Variants in CIMAP2 observed in about 807,000 individuals in gnomAD.
CIMAP2 encodes ciliary microtubule-associated protein 2.
the CIMAP2 span, chr1:54,806,343 G>A: frequency 9.7e-7 from 1 of 1,029,068 alleles, no homozygotes; most frequent in Non-Finnish European, 1.3e-6. Flanking sequence ...GCCTGGCGGG[G>A]AGGGGAACCA....
the CIMAP2 span, among the ~76,000 whole-genome samples, chr1:54,810,176 T>G: frequency 2.6e-5 from 4 of 152,200 alleles, no homozygotes; most frequent in African/African-American, 9.7e-5. Flanking sequence ...TCCCAGGTCC[T>G]GTGGTGCTCA....
the CIMAP2 span, among the ~76,000 whole-genome samples, chr1:54,840,141 TAGTC>T: frequency 0.074 from 11,312 of 152,268 alleles, 473 homozygotes; most frequent in African/African-American, 0.12. Flanking sequence ...GTGCTATCTG[TAGTC>T]AGTCTACTCC....
the CIMAP2 span, chr1:54,812,073 T>G: frequency 6.2e-7 from 1 of 1,614,136 alleles, no homozygotes; most frequent in Non-Finnish European, 8.5e-7. Flanking sequence ...CGGCACCTAC[T>G]TCTTCAAAAG....
chr1:54,816,019 G>C, the CIMAP2 span, among the ~76,000 whole-genome samples: 591 of 152,230 alleles, frequency 3.9e-3, 3 homozygotes, highest in African/African-American at 0.012. Flanking sequence ...TTTACCTCTA[G>C]CCTGCACCCC....
the CIMAP2 span, chr1:54,807,864 C>A: frequency 6.4e-7 from 1 of 1,550,618 alleles, no homozygotes; most frequent in South Asian, 1.2e-5. Flanking sequence ...TTAAGGCTTT[C>A]ATTTTCTCTC....
chr1:54,841,652 C>T, the CIMAP2 span: 1 of 1,613,144 alleles, frequency 6.2e-7, no homozygotes, highest in Non-Finnish European at 8.5e-7. Flanking sequence ...TAGAAGTCAT[C>T]AATTTTGGCC....
chr1:54,813,318 AG>A, the CIMAP2 span, among the ~76,000 whole-genome samples: 1 of 152,010 alleles, frequency 6.6e-6, no homozygotes, highest in Non-Finnish European at 1.5e-5. Context: ...TATCACCACA[AG>A]TCTGTGGCGT....
chr1:54,810,246 T>C, the CIMAP2 span, among the ~76,000 whole-genome samples: 4 of 151,950 alleles, frequency 2.6e-5, no homozygotes, highest in Non-Finnish European at 4.4e-5. Context: ...CTCAGAAAGG[T>C]TGTGGATTTT....
At chr1:54,811,765 G>GCCGGGGGGGGGGGC in the CIMAP2 span, 8 of 1,301,320 alleles carry the variant, frequency 6.1e-6, no homozygotes, top group East Asian at 2.5e-5. Context: ...GGTTCTGACA[G>GCCGGGGGGGGGGGC]CCTCCATGCC....
chr1:54,814,931 T>C, the CIMAP2 span: 2 of 1,614,142 alleles, frequency 1.2e-6, no homozygotes, highest in Non-Finnish European at 1.7e-6. Context: ...CTGGCCCCAG[T>C]TTCTGGCTTC....
At chr1:54,811,769 C>CGGGGG in the CIMAP2 span, 2 of 510,018 alleles carry the variant, frequency 3.9e-6, no homozygotes, top group Non-Finnish European at 7.8e-6. Context: ...CTGACAGCCT[C>CGGGGG]CATGCCCCCA....
At chr1:54,836,814 G>A in the CIMAP2 span, among the ~76,000 whole-genome samples, 61 of 152,108 alleles carry the variant, frequency 4.0e-4, no homozygotes, top group East Asian at 4.6e-3. Context: ...GCCGAGCAGC[G>A]GGAGGGTGGG....
chr1:54,841,649 C>A, the CIMAP2 span: 82 of 1,613,744 alleles, frequency 5.1e-5, 1 homozygote, highest in African/African-American at 1.6e-4. Context: ...GCCTAGAAGT[C>A]ATCAATTTTG....
At chr1:54,808,149 T>C in the CIMAP2 span, 1 of 882,940 alleles carries the variant, frequency 1.1e-6, no homozygotes, top group Non-Finnish European at 1.6e-6. Flanking sequence ...GCATACACTG[T>C]CCTAGACCTT....
the CIMAP2 span, among the ~76,000 whole-genome samples, chr1:54,825,868 T>C: frequency 6.6e-6 from 1 of 151,392 alleles, no homozygotes; most frequent in Admixed American, 6.6e-5. Flanking sequence ...AGTCCCAGGC[T>C]CCTGGGTGGT....
chr1:54,811,773 G>GCCCCCACCCCCCCCCCCC, the CIMAP2 span: 2 of 1,325,052 alleles, frequency 1.5e-6, no homozygotes, highest in South Asian at 1.3e-5. Context: ...CAGCCTCCAT[G>GCCCCCACCCCCCCCCCCC]CCCCCACCCC....
chr1:54,808,121 T>G, the CIMAP2 span: 1 of 1,241,452 alleles, frequency 8.1e-7, no homozygotes, highest in Non-Finnish European at 1.1e-6. Flanking sequence ...GGAATAAGGA[T>G]TAAGCACCTC....
chr1:54,811,765 G>GCGGGGGGGGGGGGGC, the CIMAP2 span: 4 of 1,301,330 alleles, frequency 3.1e-6, no homozygotes, highest in African/African-American at 1.5e-5. Flanking sequence ...GGTTCTGACA[G>GCGGGGGGGGGGGGGC]CCTCCATGCC....
chr1:54,807,275 CACTG>C, the CIMAP2 span, among the ~76,000 whole-genome samples: 480 of 152,360 alleles, frequency 3.2e-3, 10 homozygotes, highest in Non-Finnish European at 1.2e-3. Context: ...CCAGCTTGTG[CACTG>C]ACTACCTCTG....
Sources: gnomAD v4.1 joint callset for allele counts (sites outside exome capture counted in the v4.1 genomes callset) on GRCh38, gnomAD v4.1.1 for gene constraint, MANE v1.5 for transcripts, NCBI Gene and HGNC (gene_info 2026-07-23, HGNC 2026-07-21) for gene names.